Variants in ZNF804A observed in about 807,000 individuals in gnomAD.
ZNF804A encodes the protein zinc finger protein 804A.
A neutral mutation model predicts 16.5 loss-of-function variants in ZNF804A; 2 were observed. The observed-to-expected ratio is 0.12, with a 90% CI of 0.05 to 0.38. The LOEUF (loss-of-function observed/expected upper bound fraction) is 0.38, where lower values mean the gene tolerates loss of function less well. Ranked by LOEUF, ZNF804A falls within the 10% of genes least tolerant of loss-of-function variation. The pLI is 0.99. For missense variants in ZNF804A, 1,473 were observed against 1,390.7 expected, an observed-to-expected ratio of 1.06 and a Z score of -0.94; for synonymous variants, 534 against 489.6, an observed-to-expected ratio of 1.09 and a Z score of -1.20.
Position 184,775,697 on chromosome 2 carries a change from G to A in ZNF804A, c.112-90672G>A, listed in dbSNP as rs556446338. Reference sequence around the variant, plus strand: ...AATTTCCCATATTTTAATTATCCACGGAAGCTTGAATACTTAGTATCTGTA... The same window carrying A: ...AATTTCCCATATTTTAATTATCCACAGAAGCTTGAATACTTAGTATCTGTA... On this transcript the variant is annotated intron_variant, in intron 1 of 3. Coordinates refer to ENST00000302277, the MANE Select transcript of ZNF804A (RefSeq NM_194250.2). 9.0e-4 allele frequency among the ~76,000 whole-genome samples: 137 copies of A among 151,604 alleles called. 1 individual carries two copies. Among genetic ancestry groups the A allele is most frequent in the South Asian group, 6.6e-3 (32 of 4,814 alleles).
chr2:184,781,277 C>A (rs1012086563), intron 1 of ZNF804A, among the ~76,000 whole-genome samples: 1 of 151,728 alleles, frequency 6.6e-6, no homozygotes, highest in African/African-American at 2.4e-5. Flanking sequence ...CCAAGAAAAG[C>A]TGCTATATTT....
At chr2:184,725,020 G>GTTTATAATTCCTATGTTTATAATA (rs1693384208) in intron 1 of ZNF804A, among the ~76,000 whole-genome samples, 1 of 151,658 alleles carries the variant, frequency 6.6e-6, no homozygotes, top group Non-Finnish European at 1.5e-5. Context: ...GTTATTCCTA[G>GTTTATAATTCCTATGTTTATAATA]GGATTTATAA....
chr2:184,901,758 T>G (rs1269022990), intron 2 of ZNF804A, among the ~76,000 whole-genome samples: 1 of 152,130 alleles, frequency 6.6e-6, no homozygotes, highest in Non-Finnish European at 1.5e-5. Context: ...ATGCATTTTC[T>G]TCTTTATTTC....
intron 2 of ZNF804A, among the ~76,000 whole-genome samples, chr2:184,871,527 G>A (rs1418892482): frequency 2.7e-5 from 4 of 150,654 alleles, no homozygotes; most frequent in Non-Finnish European, 5.9e-5. Context: ...TATATACCAA[G>A]AGAAAAATCG....
At position 184,936,026 on chromosome 2, in the gene ZNF804A, C is replaced by T. The variant is rs761585119; in HGVS notation, c.630C>T (p.His210=). The change falls in exon 4 of 4, where the codon CAC becomes CAT. Residue 210 remains histidine, a synonymous_variant. Transcript: ENST00000302277. Reference sequence around the variant, plus strand: ...ATCAAGCCCAGGGGATTCACAGACACAAAATCGGCTTTTCTTTTGCATTTC... The same window carrying T: ...ATCAAGCCCAGGGGATTCACAGACATAAAATCGGCTTTTCTTTTGCATTTC... ...VGDQAQGIHR[H]KIGFSFAFPK... The T allele has an allele frequency of 2.2e-5, 35 of 1,614,060 alleles. 1 individual carries two copies. In the South Asian group the frequency reaches 3.8e-4, roughly 18 times the overall value.
intron 1 of ZNF804A, among the ~76,000 whole-genome samples, chr2:184,832,713 A>G (rs1695283992): frequency 6.6e-6 from 1 of 152,070 alleles, no homozygotes; most frequent in Non-Finnish European, 1.5e-5. Flanking sequence ...ATTGCTTGAT[A>G]AATGCTCTTA....
At chr2:184,647,011 A>G (rs551048143) in intron 1 of ZNF804A, among the ~76,000 whole-genome samples, 2 of 152,282 alleles carry the variant, frequency 1.3e-5, no homozygotes, top group Admixed American at 1.3e-4. Context: ...TCAAGTGTAC[A>G]CCCAGCCATG....
intron 1 of ZNF804A, among the ~76,000 whole-genome samples, chr2:184,834,550 T>A (rs1415120219): frequency 6.6e-6 from 1 of 152,150 alleles, no homozygotes; most frequent in East Asian, 1.9e-4. Flanking sequence ...GTCTTGCTGC[T>A]GCTCCCTTTA....
At position 184,769,656 on chromosome 2, in the gene ZNF804A, G is replaced by A. The variant is rs572199012; in HGVS notation, c.112-96713G>A. ...AGAGACATTAGCATCCCAATCCAAT[G>A]ACATTTACCAGAAAGCAACACATTC... On this transcript the variant is annotated intron_variant, in intron 1 of 3. Coordinates refer to ENST00000302277, the MANE Select transcript of ZNF804A (RefSeq NM_194250.2). Among the ~76,000 whole-genome samples, 9 of 152,152 alleles carry A rather than the reference G, an allele frequency of 5.9e-5. No homozygotes were observed. In the East Asian group the frequency reaches 1.7e-3, roughly 30 times the overall value.
chr2:184,802,696 A>T (rs1174561618), intron 1 of ZNF804A, among the ~76,000 whole-genome samples: 1 of 152,344 alleles, frequency 6.6e-6, no homozygotes, highest in African/African-American at 2.4e-5. Context: ...TAGTTTGTTC[A>T]GCTTTTTTAC....
chr2:184,787,010 C>T (rs1378011098), intron 1 of ZNF804A, among the ~76,000 whole-genome samples: 1 of 151,654 alleles, frequency 6.6e-6, no homozygotes, highest in Non-Finnish European at 1.5e-5. Flanking sequence ...CTTGTTTGTT[C>T]CACCATATAT....
At chr2:184,809,032 A>G (rs1477119560) in intron 1 of ZNF804A, among the ~76,000 whole-genome samples, 1 of 151,834 alleles carries the variant, frequency 6.6e-6, no homozygotes, top group Non-Finnish European at 1.5e-5. Context: ...ATCTAATGAA[A>G]AATTTTTTGT....
intron 1 of ZNF804A, among the ~76,000 whole-genome samples, chr2:184,791,845 C>T (rs1266513439): frequency 1.3e-5 from 2 of 152,142 alleles, no homozygotes; most frequent in Non-Finnish European, 2.9e-5. Context: ...TCCCCAAACC[C>T]TGGCAGCCAC....
At chr2:184,872,934 A>G (rs1429908484) in intron 2 of ZNF804A, among the ~76,000 whole-genome samples, 1 of 152,210 alleles carries the variant, frequency 6.6e-6, no homozygotes, top group Non-Finnish European at 1.5e-5. Flanking sequence ...GCTGTGACAC[A>G]AAGATTATAT....
chr2:184,606,410 A>G (rs1224130170), intron 1 of ZNF804A, among the ~76,000 whole-genome samples: 1 of 152,150 alleles, frequency 6.6e-6, no homozygotes, highest in Non-Finnish European at 1.5e-5. Context: ...TACTATCACG[A>G]GAACAGCATG....
chr2:184,704,799 T>C (rs991791566), intron 1 of ZNF804A, among the ~76,000 whole-genome samples: 1 of 152,170 alleles, frequency 6.6e-6, no homozygotes, highest in Admixed American at 6.5e-5. Flanking sequence ...GCATTGACAC[T>C]GGGAAGGATA....
intron 1 of ZNF804A, among the ~76,000 whole-genome samples, chr2:184,759,231 A>G (rs1231016967): frequency 1.3e-5 from 2 of 151,564 alleles, no homozygotes; most frequent in Non-Finnish European, 2.9e-5. Flanking sequence ...AAAAATATGG[A>G]CACCTATCTT....
chr2:184,755,842 G>C (rs1693951285), intron 1 of ZNF804A, among the ~76,000 whole-genome samples: 1 of 151,922 alleles, frequency 6.6e-6, no homozygotes, highest in Admixed American at 6.6e-5. Context: ...CTCAAATGCT[G>C]TAACAACTAG....
intron 1 of ZNF804A, among the ~76,000 whole-genome samples, chr2:184,851,059 AT>A (rs932521846): frequency 6.6e-6 from 1 of 151,708 alleles, no homozygotes; most frequent in Admixed American, 6.6e-5. Context: ...TATAAAATTT[AT>A]TTTTAATTGG....
Sources: gnomAD v4.1 joint callset for allele counts (sites outside exome capture counted in the v4.1 genomes callset) on GRCh38, gnomAD v4.1.1 for gene constraint, MANE v1.5 for transcripts, NCBI Gene and HGNC (gene_info 2026-07-23, HGNC 2026-07-21) for gene names.